The following OOEP variants were observed in gnomAD, a reference collection of about 807,000 sequenced individuals.
The protein encoded by OOEP is oocyte-expressed protein homolog.
Under a neutral mutation model 13.7 loss-of-function variants are expected in OOEP, and 16 were observed. That is an observed-to-expected ratio of 1.16 (90% CI 0.79 to 1.77). The LOEUF (loss-of-function observed/expected upper bound fraction) is 1.77, where lower values mean the gene tolerates loss of function less well. OOEP is among the 40% of genes most tolerant of loss of function. The probability of loss-of-function intolerance (pLI) is 0.00; values close to 1 mark genes in which losing one functional copy is unlikely to be tolerated. For synonymous variants in OOEP, 89 were observed against 77.1 expected (o/e 1.15, Z -0.81); for missense variants, 195 against 193.1 (o/e 1.01, Z -0.06).
exon 1 of OOEP, chr6:73,394,846 C>G: frequency 1.9e-6 from 3 of 1,583,560 alleles, no homozygotes; most frequent in Non-Finnish European, 2.6e-6. Context: ...CTTACGACGT[C>G]ACGGTCAGGT....
chr6:73,369,804 C>A lies in OOEP; in HGVS notation c.-12G>T, dbSNP rs1582623187. 1.2e-6 allele frequency: 2 copies of A among 1,608,656 alleles called. No individual in the cohort carries two copies. The highest frequency in any genetic ancestry group is 3.3e-5 in the Admixed American group (2 of 59,882). On this transcript the variant is annotated 5_prime_UTR_variant, in exon 1 of 3. Transcript: ENST00000370359. ...GCATCATCGACCATACTGGGACCAG[C>A]AGCCGCGGAGCGCGCTCGAGGCGGC...
chr6:73,369,520 GAA>G (rs1000338324), intron 1 of OOEP, 81 bp downstream of exon 1: 29 of 1,523,782 alleles, frequency 1.9e-5, no homozygotes, highest in East Asian at 1.1e-4. Context: ...GCGAATCTGG[GAA>G]AGAGACTGTA....
In OOEP at chr6:73,369,809, G is replaced by A. The variant is rs528956665; in HGVS notation, c.-17C>T. 2.0e-5 allele frequency: 32 copies of A among 1,605,826 alleles called. No homozygotes were observed. In the African/African-American group the frequency reaches 2.8e-4, roughly 14 times the overall value. On this transcript the variant is annotated 5_prime_UTR_variant, in exon 1 of 3. Transcript: ENST00000370359. The stretch of plus-strand genomic sequence containing the variant: ...ATCGACCATACTGGGACCAGCAGCC[G>A]CGGAGCGCGCTCGAGGCGGCTTTCG...
chr6:73,394,702 C>T, intron 1 of OOEP: 1 of 731,188 alleles, frequency 1.4e-6, no homozygotes, highest in Non-Finnish European at 2.2e-6. Context: ...TGGGAAAGTC[C>T]CGCCCACAAC....
chr6:73,388,598 GAGGCA>G lies in OOEP; in HGVS notation c.25+5743_25+5747del, dbSNP rs147680632. ...GGGAACTGCACCCATGGGTTCCTGAGAGGCAAAGTGGCAGAACAGAAAATGCTCAG... is the reference window on the plus strand; with the variant it reads ...GGGAACTGCACCCATGGGTTCCTGAGAAGTGGCAGAACAGAAAATGCTCAG... On this transcript the variant is annotated intron_variant, in intron 2 of 3. Coordinates refer to the OOEP transcript ENST00000370363. Among the ~76,000 whole-genome samples the G allele has an allele frequency of 3.2e-3, 488 of 152,272 alleles. 2 individuals are homozygous for G. Among genetic ancestry groups the G allele is most frequent in the African/African-American group, 0.011 (466 of 41,560 alleles).
intron 2 of OOEP, among the ~76,000 whole-genome samples, chr6:73,393,466 G>A (rs1188462250): frequency 1.3e-5 from 2 of 152,218 alleles, no homozygotes; most frequent in African/African-American, 4.8e-5. Flanking sequence ...AAGCCCTGGA[G>A]TAGTAGTATG....
chr6:73,369,951 C>G, upstream of OOEP: 2 of 628,912 alleles, frequency 3.2e-6, no homozygotes, highest in South Asian at 3.8e-5. Context: ...GCAAGCGACG[C>G]CCCGGCATAG....
chr6:73,394,772 C>CT, exon 1 of OOEP: 6 of 1,285,702 alleles, frequency 4.7e-6, no homozygotes, highest in Non-Finnish European at 6.3e-6. Flanking sequence ...AGAGCGTGGG[C>CT]GGGGGGGCTA....
intron 2 of OOEP, 100 bp from the exon 3 acceptor site, chr6:73,368,963 G>C: frequency 1.0e-6 from 1 of 964,902 alleles, no homozygotes; most frequent in South Asian, 1.4e-5. Context: ...AAAGATCTGC[G>C]ATAGTGCTGT....
intron 2 of OOEP, among the ~76,000 whole-genome samples, chr6:73,379,107 C>T (rs1769168978): frequency 2.6e-5 from 4 of 151,984 alleles, no homozygotes; most frequent in Admixed American, 2.0e-4. Flanking sequence ...TCACTGCAAC[C>T]TCTACCTCCA....
chr6:73,369,085 C>A (rs1769001810), intron 2 of OOEP, 121 bp downstream of exon 2: 1 of 1,051,404 alleles, frequency 9.5e-7, no homozygotes, highest in Non-Finnish European at 1.4e-6. Context: ...GTACAGCTAG[C>A]TCCCTGGGGT....
At chr6:73,373,840 C>T (rs903291075), upstream of OOEP, among the ~76,000 whole-genome samples, 10 of 152,128 alleles carry the variant, frequency 6.6e-5, no homozygotes, top group African/African-American at 1.4e-4. Context: ...CTACCCACCT[C>T]GGCCTCCCAA....
chr6:73,384,398 C>G (rs940708675), intron 2 of OOEP, among the ~76,000 whole-genome samples: 6 of 152,144 alleles, frequency 3.9e-5, no homozygotes, highest in Admixed American at 6.6e-5. Flanking sequence ...TCAAACTCTT[C>G]CAAAAAACAG....
intron 2 of OOEP, among the ~76,000 whole-genome samples, chr6:73,386,299 G>GATC (rs1034754486): frequency 4.0e-5 from 6 of 151,730 alleles, no homozygotes; most frequent in Middle Eastern, 6.8e-3. Context: ...TCTCCATGTT[G>GATC]ATCAGGCTGT....
intron 2 of OOEP, among the ~76,000 whole-genome samples, chr6:73,376,185 C>T (rs1264817997): frequency 6.6e-6 from 1 of 152,090 alleles, no homozygotes; most frequent in Non-Finnish European, 1.5e-5. Context: ...ATTTATTTAT[C>T]AGTAACAATG....
intron 2 of OOEP, among the ~76,000 whole-genome samples, chr6:73,382,418 A>C (rs1769223106): frequency 6.6e-6 from 1 of 151,466 alleles, no homozygotes; most frequent in Admixed American, 6.6e-5. Flanking sequence ...GGGTTTCACT[A>C]TCTTGGCCAG....
chr6:73,369,596 C>T lies in OOEP; in HGVS notation c.190+7G>A, dbSNP rs1303729888. On this transcript the variant is annotated splice_region_variant and intron_variant, in intron 1 of 2. Coordinates refer to ENST00000370359, the MANE Select transcript of OOEP (RefSeq NM_001080507.3). The stretch of plus-strand genomic sequence containing the variant: ...GACAGCCCACTAGCACACCTGGGGT[C>T]GCTCACCAAAGAGCTCGTCTGCCAG... 2 of 1,612,146 alleles carry T rather than the reference C, an allele frequency of 1.2e-6. No homozygotes were observed. Among genetic ancestry groups the T allele is most frequent in the South Asian group, 2.2e-5 (2 of 91,014 alleles).
At chr6:73,385,297 G>A (rs1240645197) in intron 2 of OOEP, among the ~76,000 whole-genome samples, 1 of 151,648 alleles carries the variant, frequency 6.6e-6, no homozygotes, top group Non-Finnish European at 1.5e-5. Flanking sequence ...AGTGAGCCAA[G>A]ATTGCGCCAC....
At position 73,369,822 on chromosome 6, in the gene OOEP, G is replaced by T; in HGVS notation, c.-30C>A. 1 of 1,597,260 alleles carries T rather than the reference G, an allele frequency of 6.3e-7. No homozygotes were observed. Among genetic ancestry groups the T allele is most frequent in the Non-Finnish European group, 8.5e-7 (1 of 1,170,426 alleles). On this transcript the variant is annotated 5_prime_UTR_variant, in exon 1 of 3. An upstream open reading frame in the 5' UTR gains an earlier in-frame stop. Coordinates refer to ENST00000370359, the MANE Select transcript of OOEP (RefSeq NM_001080507.3). ...GGACCAGCAGCCGCGGAGCGCGCTC[G>T]AGGCGGCTTTCGCAAGACCTCTTCC...
Sources: gnomAD v4.1 joint callset for allele counts (sites outside exome capture counted in the v4.1 genomes callset) on GRCh38, gnomAD v4.1.1 for gene constraint, MANE v1.5 for transcripts, NCBI Gene and HGNC (gene_info 2026-07-23, HGNC 2026-07-21) for gene names.